The following FMN1 variants were observed in gnomAD, a reference collection of about 807,000 sequenced individuals.
The protein encoded by FMN1 is formin 1, also known as formin-1.
FMN1 carries 110 observed loss-of-function variants against 132.4 expected under a neutral mutation model. That is an observed-to-expected ratio of 0.83 (90% confidence interval 0.71 to 0.97). The LOEUF (loss-of-function observed/expected upper bound fraction) is 0.97, where lower values mean the gene tolerates loss of function less well. Among genes scored for constraint, FMN1 ranks in the 50% least tolerant of loss-of-function variants. The pLI is 0.00. For missense variants in FMN1, 1,792 were observed against 1,705.3 expected (o/e 1.05, Z -0.90); for synonymous variants, 722 against 651.7 (o/e 1.11, Z -1.64).
chr15:32,876,184 T>C (rs2059632661), intron 16 of FMN1, among the ~76,000 whole-genome samples: 2 of 152,268 alleles, frequency 1.3e-5, no homozygotes, highest in Non-Finnish European at 2.9e-5. Context: ...TCAAAAGCAC[T>C]TGTGTTGTTT....
chr15:32,892,039 C>T (rs2060044001), intron 15 of FMN1, among the ~76,000 whole-genome samples: 1 of 152,178 alleles, frequency 6.6e-6, no homozygotes, highest in Non-Finnish European at 1.5e-5. Context: ...GATTTGGATG[C>T]CCTTCCTTTC....
intron 7 of FMN1, among the ~76,000 whole-genome samples, chr15:32,990,122 T>C (rs1266927993): frequency 1.3e-5 from 2 of 152,188 alleles, no homozygotes; most frequent in Non-Finnish European, 2.9e-5. Context: ...AAAACTTATC[T>C]GTAACTCAGG....
chr15:33,066,802 T>G, intron 5 of FMN1: 3 of 1,614,016 alleles, frequency 1.9e-6, no homozygotes, highest in African/African-American at 1.3e-5. Context: ...ACTCAGGGTC[T>G]GCTCCCTTCG....
intron 9 of FMN1, among the ~76,000 whole-genome samples, chr15:32,943,070 A>T (rs2061432867): frequency 6.6e-6 from 1 of 152,212 alleles, no homozygotes; most frequent in Non-Finnish European, 1.5e-5. Context: ...GTGCTCAAGG[A>T]AAATGCTCAG....
intron 2 of FMN1, among the ~76,000 whole-genome samples, chr15:33,181,593 G>A (rs970036884): frequency 1.3e-5 from 2 of 152,172 alleles, no homozygotes; most frequent in African/African-American, 2.4e-5. Flanking sequence ...GGAGGCTTTC[G>A]GGGCTGTGAT....
intron 4 of FMN1, among the ~76,000 whole-genome samples, chr15:33,097,951 T>C (rs1224965925): frequency 1.3e-5 from 2 of 152,254 alleles, no homozygotes; most frequent in Non-Finnish European, 2.9e-5. Context: ...GTAGAATATG[T>C]ATTTTTGCAA....
At chr15:33,020,273 A>G (rs927672580) in intron 6 of FMN1, among the ~76,000 whole-genome samples, 2 of 152,166 alleles carry the variant, frequency 1.3e-5, no homozygotes, top group African/African-American at 2.4e-5. Flanking sequence ...GAATTGGGGA[A>G]TACCCAGCTG....
intron 7 of FMN1, among the ~76,000 whole-genome samples, chr15:32,992,676 T>G (rs2033509040): frequency 1.3e-5 from 2 of 152,212 alleles, no homozygotes; most frequent in Admixed American, 1.3e-4. Context: ...AATATCCTAA[T>G]CATTTTCCTG....
At chr15:33,085,626 G>C (rs894661319) in intron 5 of FMN1, among the ~76,000 whole-genome samples, 1 of 150,278 alleles carries the variant, frequency 6.7e-6, no homozygotes, top group Non-Finnish European at 1.5e-5. Context: ...TAAAAGGCTA[G>C]TTCAGGAAAT....
chr15:32,980,488 A>T (rs1313005582), intron 7 of FMN1, among the ~76,000 whole-genome samples: 1 of 152,198 alleles, frequency 6.6e-6, no homozygotes, highest in Non-Finnish European at 1.5e-5. Context: ...ACACTATATT[A>T]AAAGAACATT....
chr15:33,113,554 C>T (rs909335420), intron 4 of FMN1, among the ~76,000 whole-genome samples: 2 of 152,116 alleles, frequency 1.3e-5, no homozygotes, highest in Non-Finnish European at 2.9e-5. Flanking sequence ...GCTCCCCCAT[C>T]TTTAGTCAAT....
intron 10 of FMN1, among the ~76,000 whole-genome samples, chr15:32,916,661 C>T (rs562163861): frequency 2.1e-4 from 32 of 152,016 alleles, no homozygotes; most frequent in Non-Finnish European, 4.3e-4. Flanking sequence ...CTGATGTAAG[C>T]CTCTTGCACA....
intron 7 of FMN1, among the ~76,000 whole-genome samples, chr15:32,985,127 C>G (rs1349717992): frequency 6.6e-6 from 1 of 152,080 alleles, no homozygotes; most frequent in Non-Finnish European, 1.5e-5. Context: ...ACCATACGCT[C>G]TGTGTAATTT....
chr15:32,970,573 C>T (rs1184392981), intron 7 of FMN1, among the ~76,000 whole-genome samples: 10 of 152,154 alleles, frequency 6.6e-5, no homozygotes, highest in African/African-American at 1.7e-4. Flanking sequence ...TCAAGACTCT[C>T]TTCACTATAA....
chr15:32,792,411 C>G (rs1020863092), intron 19 of FMN1, among the ~76,000 whole-genome samples: 2 of 151,822 alleles, frequency 1.3e-5, no homozygotes, highest in Admixed American at 6.6e-5. Flanking sequence ...CGCCACTGCA[C>G]TCCAGCCTGG....
chr15:33,046,025 G>A (rs1397562262), intron 6 of FMN1, among the ~76,000 whole-genome samples: 1 of 152,170 alleles, frequency 6.6e-6, no homozygotes, highest in African/African-American at 2.4e-5. Context: ...CATGGATATT[G>A]TTCTTGCCTT....
chr15:32,921,765 G>A (rs928781829), intron 10 of FMN1, among the ~76,000 whole-genome samples: 2 of 148,312 alleles, frequency 1.3e-5, no homozygotes, highest in Non-Finnish European at 3.0e-5. Context: ...CACCTCCTAC[G>A]CTCAAGCAAT....
intron 16 of FMN1, among the ~76,000 whole-genome samples, chr15:32,884,990 T>C (rs1235571372): frequency 2.0e-5 from 3 of 152,190 alleles, no homozygotes; most frequent in Non-Finnish European, 4.4e-5. Flanking sequence ...ACTAAGAAAC[T>C]GTGCAGACAT....
At chr15:33,019,454 G>A (rs1419582223) in intron 6 of FMN1, among the ~76,000 whole-genome samples, 1 of 152,236 alleles carries the variant, frequency 6.6e-6, no homozygotes, top group African/African-American at 2.4e-5. Flanking sequence ...GGCCGCAGGT[G>A]GAGCTGCCTG....
Sources: gnomAD v4.1 joint callset for allele counts (sites outside exome capture counted in the v4.1 genomes callset) on GRCh38, gnomAD v4.1.1 for gene constraint, MANE v1.5 for transcripts, NCBI Gene and HGNC (gene_info 2026-07-23, HGNC 2026-07-21) for gene names.